Variants in DLGAP2 observed in about 807,000 individuals in gnomAD.
The protein encoded by DLGAP2 is disks large-associated protein 2.
DLGAP2 carries 26 observed loss-of-function variants against 100.3 expected under a neutral mutation model. The observed-to-expected ratio is 0.26, with a 90% CI of 0.19 to 0.36. The LOEUF (loss-of-function observed/expected upper bound fraction) is 0.36. Ranked by LOEUF, DLGAP2 falls within the 10% of genes least tolerant of loss-of-function variation. DLGAP2 has a pLI of 1.00. For synonymous variants in DLGAP2, 886 were observed against 630.1 expected (o/e 1.41, Z -6.08); for missense variants, 1,858 against 1,453.2 (o/e 1.28, Z -4.53).
chr8:1,175,162 C>T (rs1017056494), intron 2 of DLGAP2, among the ~76,000 whole-genome samples: 157 of 152,080 alleles, frequency 1.0e-3, no homozygotes, highest in Non-Finnish European at 1.8e-3. Flanking sequence ...TAAAATTTAT[C>T]TGATGACATT....
intron 3 of DLGAP2, among the ~76,000 whole-genome samples, chr8:1,444,141 A>G (rs1206691331): frequency 2.0e-5 from 3 of 152,080 alleles, no homozygotes; most frequent in Non-Finnish European, 4.4e-5. Context: ...GCTGGAGTGC[A>G]GTGGCGCGAT....
At chr8:912,130 G>A (rs1337666187) in intron 2 of DLGAP2, among the ~76,000 whole-genome samples, 1 of 152,196 alleles carries the variant, frequency 6.6e-6, no homozygotes, top group African/African-American at 2.4e-5. Context: ...GAAGTTTCAA[G>A]AATGAATTGA....
rs773174801 is a variant in DLGAP2 at position 1,701,355 on chromosome 8, G to A, written c.3117G>A (p.Glu1039=). 154 of 1,593,716 alleles carry A rather than the reference G, an allele frequency of 9.7e-5. 1 individual carries two copies. In the Admixed American group the frequency reaches 2.7e-3, roughly 28 times the overall value. ...CCTTCCGGCAGAATTCCGCCTCCGAGCGCGCGGACAGCATCGAGATCTACA... is the reference window on the plus strand; with the variant it reads ...CCTTCCGGCAGAATTCCGCCTCCGAACGCGCGGACAGCATCGAGATCTACA... ...AASFRQNSAS[E]RADSIEIYIP... is the part of the protein sequence containing the mutation. Residue 1039 remains glutamate (E), a synonymous_variant, in exon 15 of 15, where the codon GAG becomes GAA. Transcript: ENST00000637795.
chr8:1,691,448 G>A (rs1799257895), intron 12 of DLGAP2, 87 bp from the exon 13 acceptor site: 10 of 1,137,816 alleles, frequency 8.8e-6, no homozygotes, highest in Non-Finnish European at 1.0e-5. Context: ...AGTGGGACTC[G>A]CTCCCTTGGT....
At chr8:1,236,004 A>T (rs1336946068) in intron 2 of DLGAP2, among the ~76,000 whole-genome samples, 1 of 41,630 alleles carries the variant, frequency 2.4e-5, no homozygotes. Context: ...ACATAGCGTC[A>T]TGTCTAGTTC....
chr8:1,686,447 C>A (rs537028964), intron 12 of DLGAP2, among the ~76,000 whole-genome samples: 2 of 152,246 alleles, frequency 1.3e-5, no homozygotes, highest in African/African-American at 4.8e-5. Context: ...GCAGGCAGAT[C>A]ACCTGAGGTC....
intron 1 of DLGAP2, among the ~76,000 whole-genome samples, chr8:887,198 T>G (rs1392299422): frequency 1.3e-5 from 2 of 148,990 alleles, no homozygotes; most frequent in African/African-American, 4.9e-5. Flanking sequence ...AACCCCTGCT[T>G]TTTTTTTTTG....
At chr8:1,281,510 C>T (rs62483889) in intron 3 of DLGAP2, among the ~76,000 whole-genome samples, 6,021 of 152,300 alleles carry the variant, frequency 0.04, 159 homozygotes, top group Non-Finnish European at 0.064. Context: ...CCGGCGGAGA[C>T]AGCCCTGGAC....
At chr8:1,553,184 C>T (rs1446589964) in intron 5 of DLGAP2, among the ~76,000 whole-genome samples, 1 of 152,188 alleles carries the variant, frequency 6.6e-6, no homozygotes, top group Admixed American at 6.5e-5. Flanking sequence ...CGGCCTCTGT[C>T]CCCGCCTCCT....
At chr8:949,601 G>C (rs1309327820) in intron 2 of DLGAP2, among the ~76,000 whole-genome samples, 2 of 152,196 alleles carry the variant, frequency 1.3e-5, no homozygotes, top group African/African-American at 2.4e-5. Context: ...CCCCAGGACG[G>C]GCCTCCCCGC....
rs10646663 is a variant in DLGAP2, at chr8:1,577,567, CA to C, written c.1442+11696del. ...TGGGCCACAGAATTACACTCTCTCT[CA>C]AAAAAAAAAAAAAAAAAAAAAATTT... is the stretch of plus-strand genomic sequence containing the variant. On this transcript the variant is annotated intron_variant, in intron 6 of 14. Coordinates refer to ENST00000637795, the MANE Select transcript of DLGAP2 (RefSeq NM_001346810.2). Among the ~76,000 whole-genome samples the C allele has an allele frequency of 9.0e-3, 950 of 105,774 alleles. 5 individuals carry two copies. The highest frequency in any genetic ancestry group is 0.022 in the African/African-American group (548 of 25,248). The allele number at this position is 105,774 out of a possible 152,430, so 69.4% of individuals were successfully genotyped here. A position where few individuals can be genotyped will look rare whatever the true frequency, so the allele number is the denominator to read the frequency against.
Position 1,594,356 on chromosome 8 carries a change from G to A in DLGAP2, c.1442+28462G>A, listed in dbSNP as rs188304102. Among the ~76,000 whole-genome samples the A allele has an allele frequency of 4.3e-3, 647 of 152,016 alleles. 3 individuals carry two copies. Among genetic ancestry groups the A allele is most frequent in the African/African-American group, 0.015 (606 of 41,476 alleles). On this transcript the variant is annotated intron_variant, in intron 6 of 14. Coordinates refer to ENST00000637795, the MANE Select transcript of DLGAP2 (RefSeq NM_001346810.2). ...CCCCTAAGGTCAAGAGAACAATGAA[G>A]GAACAAAATGAGAATTTAAGTAAAG...
At chr8:1,369,268 G>C (rs1349791511) in intron 3 of DLGAP2, 1 of 152,186 alleles carries the variant, frequency 6.6e-6, no homozygotes, top group African/African-American at 2.4e-5. Flanking sequence ...GAAGCCAGAA[G>C]TCCCAGATGG....
At chr8:1,141,713 T>A (rs1281248165) in intron 2 of DLGAP2, among the ~76,000 whole-genome samples, 2 of 152,134 alleles carry the variant, frequency 1.3e-5, no homozygotes, top group Non-Finnish European at 2.9e-5. Context: ...ACCCAAAACT[T>A]GGCAACAAAA....
chr8:1,432,546 G>A (rs555395498), intron 3 of DLGAP2, among the ~76,000 whole-genome samples: 2 of 152,336 alleles, frequency 1.3e-5, no homozygotes, highest in East Asian at 3.9e-4. Context: ...GATGGGCGAG[G>A]GAGTCCAGGG....
chr8:1,066,903 C>A (rs2600487), intron 2 of DLGAP2, among the ~76,000 whole-genome samples: 1 of 152,036 alleles, frequency 6.6e-6, no homozygotes, highest in Non-Finnish European at 1.5e-5. Context: ...TCAGAGCCCA[C>A]GATACCCATT....
At chr8:833,549 C>G (rs1448989404) in intron 1 of DLGAP2, among the ~76,000 whole-genome samples, 1 of 152,152 alleles carries the variant, frequency 6.6e-6, no homozygotes, top group African/African-American at 2.4e-5. Flanking sequence ...ATCTCTGGCT[C>G]AAGGTTCTCT....
intron 2 of DLGAP2, among the ~76,000 whole-genome samples, chr8:921,996 T>A (rs1798725240): frequency 6.6e-6 from 1 of 152,210 alleles, no homozygotes; most frequent in African/African-American, 2.4e-5. Flanking sequence ...ACGGCAAATA[T>A]CTGGGTGGGA....
At chr8:1,157,763 G>A (rs912194860) in intron 2 of DLGAP2, among the ~76,000 whole-genome samples, 2 of 152,198 alleles carry the variant, frequency 1.3e-5, no homozygotes, top group East Asian at 1.9e-4. Context: ...GTGGAGCTTC[G>A]TCATTTGAAA....
Sources: gnomAD v4.1 joint callset for allele counts (sites outside exome capture counted in the v4.1 genomes callset) on GRCh38, gnomAD v4.1.1 for gene constraint, MANE v1.5 for transcripts, NCBI Gene and HGNC (gene_info 2026-07-23, HGNC 2026-07-21) for gene names.